Variants in CTNNA3 observed in about 807,000 individuals in gnomAD.
CTNNA3 encodes the protein catenin alpha-3.
Under a neutral mutation model 95.7 loss-of-function variants are expected in CTNNA3, and 76 were observed. The ratio of observed to expected loss-of-function variants is 0.79; its 90% CI spans 0.66 to 0.96. The LOEUF is 0.96. Ranked by LOEUF, CTNNA3 falls within the 40% of genes least tolerant of loss-of-function variation. The pLI is 0.00. For missense variants in CTNNA3, 1,191 were observed against 1,089.8 expected (o/e 1.09, Z -1.31); for synonymous variants, 431 against 374.4 (o/e 1.15, Z -1.74).
At chr10:66,753,911 G>A (rs905583490) in intron 9 of CTNNA3, among the ~76,000 whole-genome samples, 14 of 151,966 alleles carry the variant, frequency 9.2e-5, no homozygotes, top group African/African-American at 2.9e-4. Context: ...AAGACAACTC[G>A]TGTTCATGGA....
At chr10:66,125,992 G>A (rs2082813825) in intron 13 of CTNNA3, among the ~76,000 whole-genome samples, 1 of 152,112 alleles carries the variant, frequency 6.6e-6, no homozygotes, top group Admixed American at 6.6e-5. Context: ...AATTATGTAA[G>A]TTTTGAAAAA....
chr10:66,473,242 G>A (rs963973514), intron 11 of CTNNA3, among the ~76,000 whole-genome samples: 7 of 151,880 alleles, frequency 4.6e-5, no homozygotes, highest in Non-Finnish European at 8.8e-5. Context: ...CATGTCTAGG[G>A]AGAGACCTGA....
chr10:67,124,843 T>C (rs1426172986), intron 7 of CTNNA3, among the ~76,000 whole-genome samples: 1 of 152,258 alleles, frequency 6.6e-6, no homozygotes, highest in Non-Finnish European at 1.5e-5. Context: ...ACAGTATTGT[T>C]ATTCTGACAT....
intron 2 of CTNNA3, among the ~76,000 whole-genome samples, chr10:67,641,189 G>A (rs1386588164): frequency 6.6e-6 from 1 of 152,042 alleles, no homozygotes; most frequent in Non-Finnish European, 1.5e-5. Context: ...ATCAAAAAGT[G>A]GGCAAAGGAT....
chr10:66,824,556 G>T (rs1842425260), intron 7 of CTNNA3, among the ~76,000 whole-genome samples: 1 of 152,040 alleles, frequency 6.6e-6, no homozygotes, highest in South Asian at 2.1e-4. Context: ...GGAATATGAG[G>T]CTTACTGTTC....
intron 11 of CTNNA3, among the ~76,000 whole-genome samples, chr10:66,438,192 G>A (rs533631974): frequency 6.6e-6 from 1 of 152,312 alleles, no homozygotes; most frequent in African/African-American, 2.4e-5. Context: ...CCCACTTGAG[G>A]AGGCAGTCTG....
chr10:66,096,079 A>G (rs1011547473), intron 14 of CTNNA3, among the ~76,000 whole-genome samples: 1 of 152,198 alleles, frequency 6.6e-6, no homozygotes, highest in South Asian at 2.1e-4. Context: ...CGTTGAAATT[A>G]TAATATTTAA....
At chr10:66,583,902 A>C (rs909352677) in intron 10 of CTNNA3, among the ~76,000 whole-genome samples, 1 of 151,818 alleles carries the variant, frequency 6.6e-6, no homozygotes, top group African/African-American at 2.4e-5. Context: ...CATTTCAAAA[A>C]TTTTTTAAAT....
intron 10 of CTNNA3, among the ~76,000 whole-genome samples, chr10:66,618,090 T>C (rs945593790): frequency 1.3e-5 from 2 of 152,166 alleles, no homozygotes; most frequent in East Asian, 1.9e-4. Context: ...GAACATTCCA[T>C]GCTCATGGAT....
chr10:66,375,630 G>C (rs2132477898), intron 12 of CTNNA3, among the ~76,000 whole-genome samples: 1 of 151,192 alleles, frequency 6.6e-6, no homozygotes, highest in African/African-American at 2.4e-5. Flanking sequence ...CAAAATGCAA[G>C]ATATGTATAT....
chr10:66,112,412 A>G (rs1193695594), intron 13 of CTNNA3, among the ~76,000 whole-genome samples: 1 of 152,196 alleles, frequency 6.6e-6, no homozygotes, highest in African/African-American at 2.4e-5. Context: ...AACTGCCTCC[A>G]GGAACCATTA....
chr10:65,944,720 A>T (rs997149060), intron 17 of CTNNA3, among the ~76,000 whole-genome samples: 12 of 152,204 alleles, frequency 7.9e-5, no homozygotes, highest in African/African-American at 2.9e-4. Context: ...ACTCAGCAAG[A>T]GCTCAAATGA....
At chr10:67,236,843 T>G (rs994404625) in intron 5 of CTNNA3, among the ~76,000 whole-genome samples, 4 of 151,466 alleles carry the variant, frequency 2.6e-5, no homozygotes. Flanking sequence ...GATGTTGGCA[T>G]GGATGCAGTG....
At chr10:67,651,801 G>A (rs191301963) in intron 1 of CTNNA3, among the ~76,000 whole-genome samples, 10 of 152,172 alleles carry the variant, frequency 6.6e-5, no homozygotes, top group East Asian at 3.9e-4. Context: ...TGACTTGTTC[G>A]TGAAGAATTC....
chr10:67,557,879 G>C (rs1018304224), intron 3 of CTNNA3, among the ~76,000 whole-genome samples: 2 of 152,074 alleles, frequency 1.3e-5, no homozygotes, highest in African/African-American at 4.8e-5. Flanking sequence ...TAGGAACTGG[G>C]CCTGAGAAAC....
chr10:66,520,621 T>C lies in CTNNA3; in HGVS notation c.1527A>G (p.Val509=), dbSNP rs1841027406. 5 of 1,598,738 alleles carry C rather than the reference T, an allele frequency of 3.1e-6. No homozygotes were observed. In the South Asian group the frequency reaches 5.6e-5, roughly 18 times the overall value. The change falls in exon 11 of 18, where the codon GTA becomes GTG. Residue 509 remains valine, a synonymous_variant. Transcript: ENST00000433211. ...ATTAAAAGAATAAAAACATACCAGA[T>C]ACAGCAAGGAAGTCATCAATGCTTG... The part of the protein sequence containing the change: ...DITSIDDFLA[V]SESHILEDVN...
rs537884211 is a variant in CTNNA3 at position 65,989,458 on chromosome 10, A to T, written c.2160-661T>A. Among the ~76,000 whole-genome samples the T allele has an allele frequency of 4.1e-4, 63 of 152,238 alleles. 2 individuals carry two copies. The South Asian group carries it at 0.012, about 30-fold the overall frequency. ...ACCTCAAGGCAAAGGTATTTTCCTG[A>T]TTTTAGAGAGAATCATAATATTTTG... On this transcript the variant is annotated intron_variant, in intron 15 of 17. Coordinates refer to ENST00000433211, the MANE Select transcript of CTNNA3 (RefSeq NM_013266.4).
intron 3 of CTNNA3, among the ~76,000 whole-genome samples, chr10:67,573,050 C>T (rs939948847): frequency 1.3e-5 from 2 of 152,160 alleles, no homozygotes; most frequent in African/African-American, 4.8e-5. Context: ...GATTGTACCA[C>T]TGTGCTCCAG....
chr10:66,048,918 C>T (rs533660719), intron 15 of CTNNA3, among the ~76,000 whole-genome samples: 78 of 152,068 alleles, frequency 5.1e-4, no homozygotes, highest in African/African-American at 1.8e-3. Context: ...GCAATTGCAA[C>T]AAAAGCAAAA....
Sources: gnomAD v4.1 joint callset for allele counts (sites outside exome capture counted in the v4.1 genomes callset) on GRCh38, gnomAD v4.1.1 for gene constraint, MANE v1.5 for transcripts, NCBI Gene and HGNC (gene_info 2026-07-23, HGNC 2026-07-21) for gene names.